Variants in CCDC150 observed in about 807,000 individuals in gnomAD.
CCDC150 encodes coiled-coil domain containing 150.
In CCDC150, 151 loss-of-function variants were observed where a neutral mutation model predicts 156.5. That is an observed-to-expected ratio of 0.97 (90% confidence interval 0.85 to 1.10). The LOEUF (loss-of-function observed/expected upper bound fraction) is 1.10, where lower values mean the gene tolerates loss of function less well. Among genes scored for constraint, CCDC150 ranks in the 50% least tolerant of loss-of-function variants. CCDC150 has a pLI of 0.00. For synonymous variants in CCDC150, 452 were observed against 429.4 expected (o/e 1.05, Z -0.65); for missense variants, 1,312 against 1,268.1 (o/e 1.03, Z -0.53).
chr2:196,688,086 G>C (rs939792073), intron 13 of CCDC150, among the ~76,000 whole-genome samples: 1 of 152,078 alleles, frequency 6.6e-6, no homozygotes, highest in South Asian at 2.1e-4. Context: ...AGCTGTTCAG[G>C]CTCTTTTTTG....
chr2:196,707,980 C>A (rs1363180764), intron 15 of CCDC150, among the ~76,000 whole-genome samples: 1 of 152,078 alleles, frequency 6.6e-6, no homozygotes, highest in Non-Finnish European at 1.5e-5. Flanking sequence ...AATGTATATT[C>A]TGTTGATTTG....
intron 13 of CCDC150, among the ~76,000 whole-genome samples, chr2:196,683,533 G>GT: frequency 6.6e-6 from 1 of 152,014 alleles, no homozygotes; most frequent in Non-Finnish European, 1.5e-5. Flanking sequence ...AAACCATTTG[G>GT]TAAGTATTCC....
intron 2 of CCDC150, among the ~76,000 whole-genome samples, chr2:196,653,678 T>G (rs1021512645): frequency 2.0e-5 from 3 of 152,226 alleles, no homozygotes; most frequent in African/African-American, 7.2e-5. Context: ...CGTTTTCCTG[T>G]TTTCTTCTGA....
chr2:196,719,603 T>C lies in CCDC150; in HGVS notation c.2102T>C (p.Leu701Pro). 1 of 1,613,574 alleles carries C rather than the reference T, an allele frequency of 6.2e-7. No homozygotes were observed. Among genetic ancestry groups the C allele is most frequent in the Non-Finnish European group, 8.5e-7 (1 of 1,179,746 alleles). The change falls in exon 19 of 28, where the codon CTG becomes CCG. Residue 701 changes from leucine to proline, a missense_variant. Coordinates refer to ENST00000389175, the MANE Select transcript of CCDC150 (RefSeq NM_001080539.2). ...TCTCACAGTAAGATGCAAGGTGCTC[T>C]GGAGAAAGTACAAATAGAGCTTGGG... ...LASHSKMQGA[L>P]EKVQIELGRR...
In CCDC150 at chr2:196,718,616, C is replaced by T. The variant is rs1697685537; in HGVS notation, c.1980C>T (p.Asp660=). 1 of 1,613,076 alleles carries T rather than the reference C, an allele frequency of 6.2e-7. No homozygotes were observed. Among genetic ancestry groups the T allele is most frequent in the African/African-American group, 1.3e-5 (1 of 74,880 alleles). The change falls in exon 18 of 28, where the codon GAC becomes GAT. Residue 660 remains aspartate (D), a synonymous_variant. Transcript: ENST00000389175. ...AAGAAGACCTCGAGGCTGTGGAGGACAGGGAAAACAAGAAGGCAAGGAATC... is the reference window on the plus strand; with the variant it reads ...AAGAAGACCTCGAGGCTGTGGAGGATAGGGAAAACAAGAAGGCAAGGAATC... ...KLKEDLEAVE[D]RENKKVGNFQ...
intron 4 of CCDC150, among the ~76,000 whole-genome samples, chr2:196,658,254 G>GT (rs1693341148): frequency 6.6e-6 from 1 of 151,908 alleles, no homozygotes; most frequent in East Asian, 1.9e-4. Context: ...GGAATGTTCT[G>GT]TAAAAAAAAG....
intron 13 of CCDC150, among the ~76,000 whole-genome samples, chr2:196,694,673 AC>A (rs1695707368): frequency 6.6e-6 from 1 of 151,966 alleles, no homozygotes; most frequent in African/African-American, 2.4e-5. Flanking sequence ...ACCAGCCTGA[AC>A]AACATGATGA....
chr2:196,677,852 T>A (rs914580531), intron 13 of CCDC150, among the ~76,000 whole-genome samples: 4 of 151,870 alleles, frequency 2.6e-5, no homozygotes, highest in Non-Finnish European at 5.9e-5. Flanking sequence ...TAGCTGGGCA[T>A]GGTGGTGGGC....
intron 27 of CCDC150, 37 bp downstream of exon 27, chr2:196,732,189 A>G (rs142414891): frequency 1.2e-6 from 2 of 1,610,876 alleles, no homozygotes; most frequent in East Asian, 2.2e-5. Context: ...GCAATTTTCT[A>G]CTTGTTGCTT....
chr2:196,663,553 A>T (rs1395812888), intron 5 of CCDC150, among the ~76,000 whole-genome samples: 1 of 152,158 alleles, frequency 6.6e-6, no homozygotes, highest in Non-Finnish European at 1.5e-5. Context: ...AATTTATCTT[A>T]ATGAAATAAT....
At chr2:196,678,421 C>A (rs2125620516) in intron 13 of CCDC150, among the ~76,000 whole-genome samples, 1 of 152,254 alleles carries the variant, frequency 6.6e-6, no homozygotes, top group Non-Finnish European at 1.5e-5. Context: ...AATGCAGTTA[C>A]CACCAAGCTA....
intron 15 of CCDC150, among the ~76,000 whole-genome samples, chr2:196,709,266 C>T (rs1394950751): frequency 6.6e-6 from 1 of 152,182 alleles, no homozygotes; most frequent in East Asian, 1.9e-4. Context: ...TCTTCAATCA[C>T]TGATACCCTT....
At chr2:196,720,480 G>T in intron 19 of CCDC150, 95 bp from the exon 20 acceptor site, 2 of 892,006 alleles carry the variant, frequency 2.2e-6, no homozygotes, top group Non-Finnish European at 1.8e-6. Context: ...TGCTATTTGA[G>T]CTTCTTAGAA....
intron 25 of CCDC150, 119 bp downstream of exon 25, chr2:196,730,237 G>GT: frequency 1.2e-6 from 1 of 818,816 alleles, no homozygotes; most frequent in Non-Finnish European, 1.8e-6. Context: ...TTTACAAATT[G>GT]TTTATCTTAG....
chr2:196,653,986 A>T (rs1250715702), intron 2 of CCDC150, among the ~76,000 whole-genome samples: 1 of 152,176 alleles, frequency 6.6e-6, no homozygotes, highest in Non-Finnish European at 1.5e-5. Context: ...GAAGAAGAAG[A>T]AGTGAGAGAG....
intron 2 of CCDC150, among the ~76,000 whole-genome samples, chr2:196,648,623 A>G (rs1303088857): frequency 1.3e-5 from 2 of 152,198 alleles, no homozygotes; most frequent in African/African-American, 4.8e-5. Flanking sequence ...ATTGCTGTGC[A>G]GAAGACTTTT....
In CCDC150 at chr2:196,721,421, A is replaced by G. The variant is rs899072815; in HGVS notation, c.2260-101A>G. 20 of 788,274 alleles carry G rather than the reference A, an allele frequency of 2.5e-5. No individual in the cohort carries two copies. The South Asian group carries it at 3.6e-4, about 14-fold the overall frequency. The allele number at this position is 788,274 out of a possible 1,614,324, so 48.8% of individuals were successfully genotyped here. A position where few individuals can be genotyped will look rare whatever the true frequency, so the allele number is the denominator to read the frequency against. On this transcript the variant is annotated intron_variant, in intron 20 of 27. Transcript: ENST00000389175. Reference sequence around the variant, plus strand: ...CTGGTTCCAACTAATTATTGTTTCAATGGTACTTGATGATAGAATGTGAGG... The same window carrying G: ...CTGGTTCCAACTAATTATTGTTTCAGTGGTACTTGATGATAGAATGTGAGG...
chr2:196,645,524 G>A lies in CCDC150; in HGVS notation c.13-817G>A, dbSNP rs746653159. 3.9e-5 allele frequency among the ~76,000 whole-genome samples: 6 copies of A among 152,204 alleles called. No homozygotes were observed. In the South Asian group the frequency reaches 8.3e-4, roughly 21 times the overall value. ...TAGTAGAGAAATGTCTGCAGAGAAC[G>A]GAGTTGCAGGACAATGTTTTTAAAG... On this transcript the variant is annotated intron_variant, in intron 1 of 27. Coordinates refer to ENST00000389175, the MANE Select transcript of CCDC150 (RefSeq NM_001080539.2).
chr2:196,707,655 A>C (rs1575909667), intron 15 of CCDC150, among the ~76,000 whole-genome samples: 1 of 152,318 alleles, frequency 6.6e-6, no homozygotes, highest in African/African-American at 2.4e-5. Context: ...TTAGTGCTGT[A>C]AATTTCCCTC....
Sources: allele counts gnomAD v4.1 joint callset (sites outside exome capture counted in the v4.1 genomes callset), GRCh38; gene constraint gnomAD v4.1.1; transcripts MANE v1.5; gene names NCBI Gene and HGNC (gene_info 2026-07-23, HGNC 2026-07-21).